Variants in MINDY4 observed in about 807,000 individuals in gnomAD.
MINDY4 encodes probable ubiquitin carboxyl-terminal hydrolase MINDY-4.
MINDY4 carries 68 observed loss-of-function variants against 87.0 expected under a neutral mutation model. The ratio of observed to expected loss-of-function variants is 0.78; its 90% CI spans 0.64 to 0.96. The LOEUF (loss-of-function observed/expected upper bound fraction) is 0.96. Among genes scored for constraint, MINDY4 ranks in the 40% least tolerant of loss-of-function variants. The pLI is 0.00. For missense variants in MINDY4, 919 were observed against 928.2 expected (o/e 0.99, Z 0.13); for synonymous variants, 379 against 363.2 (o/e 1.04, Z -0.50).
chr7:30,774,190 G>C (rs569048044), intron 1 of MINDY4, among the ~76,000 whole-genome samples: 1 of 152,276 alleles, frequency 6.6e-6, no homozygotes, highest in East Asian at 1.9e-4. Flanking sequence ...TTCAAACCCT[G>C]AAGCTCCTTC....
chr7:30,793,991 G>T (rs143551449), intron 5 of MINDY4, among the ~76,000 whole-genome samples: 9 of 152,188 alleles, frequency 5.9e-5, no homozygotes, highest in Non-Finnish European at 8.8e-5. Context: ...GAGAATCCAA[G>T]GAACCTGACA....
intron 13 of MINDY4, among the ~76,000 whole-genome samples, chr7:30,859,911 C>T (rs1013977985): frequency 3.3e-5 from 5 of 152,194 alleles, no homozygotes; most frequent in African/African-American, 4.8e-5. Context: ...CCAGCCTGCT[C>T]CACAGCCGGA....
At chr7:30,881,846 C>T (rs1052625524) in intron 15 of MINDY4, among the ~76,000 whole-genome samples, 1 of 152,088 alleles carries the variant, frequency 6.6e-6, no homozygotes, top group African/African-American at 2.4e-5. Context: ...CTGAGTAGAT[C>T]TCAGGAGGAA....
At chr7:30,858,740 C>G (rs1789657396) in intron 12 of MINDY4, 1 of 269,192 alleles carries the variant, frequency 3.7e-6, no homozygotes, top group Non-Finnish European at 7.2e-6. Flanking sequence ...TCCAAACCTG[C>G]TCTCTGCTGC....
intron 4 of MINDY4, 56 bp downstream of exon 4, chr7:30,786,048 G>A (rs1271862838): frequency 6.3e-6 from 10 of 1,599,620 alleles, no homozygotes; most frequent in Non-Finnish European, 8.5e-6. Context: ...ACTGGGCTGG[G>A]CTTAAGGCAC....
intron 13 of MINDY4, among the ~76,000 whole-genome samples, chr7:30,865,994 C>G (rs1016853994): frequency 6.6e-6 from 1 of 152,240 alleles, no homozygotes; most frequent in Non-Finnish European, 1.5e-5. Flanking sequence ...CGCAGTGCAG[C>G]TGGCATGGGC....
Position 30,872,315 on chromosome 7 carries a change from G to T in MINDY4, c.1809+9G>T, listed in dbSNP as rs1249828263. 6.2e-7 allele frequency: 1 copy of T among 1,613,698 alleles called. No individual in the cohort carries two copies. Among genetic ancestry groups the T allele is most frequent in the Admixed American group, 1.7e-5 (1 of 59,996 alleles). The stretch of plus-strand genomic sequence containing the variant: ...ATGGCTACTGTACACAGGTCAGGGG[G>T]CGCTGTGGGGCCCAGGTGGTCCTTC... On this transcript the variant is annotated intron_variant, in intron 14 of 17. Coordinates refer to ENST00000265299, the MANE Select transcript of MINDY4 (RefSeq NM_032222.3).
At chr7:30,877,682 TC>T (rs1204614488) in intron 15 of MINDY4, among the ~76,000 whole-genome samples, 2,608 of 109,428 alleles carry the variant, frequency 0.024, 38 homozygotes, top group Middle Eastern at 0.053. Context: ...TTCTTCTTCT[TC>T]TTTTTTTTTT....
At chr7:30,887,643 G>A (rs1021128553) in intron 17 of MINDY4, among the ~76,000 whole-genome samples, 10 of 152,328 alleles carry the variant, frequency 6.6e-5, no homozygotes, top group South Asian at 4.1e-4. Context: ...CTAAGCAGGC[G>A]TCCAGGAGGA....
chr7:30,841,005 C>T (rs573957104), intron 9 of MINDY4, among the ~76,000 whole-genome samples, 157 bp downstream of exon 9: 2 of 152,244 alleles, frequency 1.3e-5, no homozygotes, highest in South Asian at 2.1e-4. Flanking sequence ...ACAAGGCCTG[C>T]GCAGACCAGT....
chr7:30,831,557 G>A (rs1232364790), intron 6 of MINDY4, among the ~76,000 whole-genome samples: 1 of 152,208 alleles, frequency 6.6e-6, no homozygotes, highest in Non-Finnish European at 1.5e-5. Flanking sequence ...GGACCGGCAT[G>A]GTGGGTGAGA....
rs545529330 is a variant in MINDY4, at chr7:30,855,077, G to A, written c.1677+1618G>A. 2.0e-5 allele frequency among the ~76,000 whole-genome samples: 3 copies of A among 152,358 alleles called. No individual in the cohort carries two copies. The East Asian group carries it at 5.8e-4, about 29-fold the overall frequency. On this transcript the variant is annotated intron_variant, in intron 12 of 17. Coordinates refer to ENST00000265299, the MANE Select transcript of MINDY4 (RefSeq NM_032222.3). Reference sequence around the variant, plus strand: ...GGAGTCACTCAGTAGGCCAACTGCTGATGCGGTGCATCCACCGCCTGGCCT... The same window carrying A: ...GGAGTCACTCAGTAGGCCAACTGCTAATGCGGTGCATCCACCGCCTGGCCT...
intron 14 of MINDY4, among the ~76,000 whole-genome samples, chr7:30,874,700 C>T (rs1790207910): frequency 6.6e-6 from 1 of 152,210 alleles, no homozygotes; most frequent in African/African-American, 2.4e-5. Flanking sequence ...ACTTGGGCTT[C>T]CTACTCCCAC....
intron 2 of MINDY4, among the ~76,000 whole-genome samples, chr7:30,779,029 G>T (rs1320645420): frequency 6.6e-6 from 1 of 152,186 alleles, no homozygotes; most frequent in East Asian, 1.9e-4. Flanking sequence ...GCTAACCCAG[G>T]TGCATTAGAG....
chr7:30,786,573 G>A (rs1472538374), intron 4 of MINDY4: 2 of 151,426 alleles, frequency 1.3e-5, no homozygotes, highest in African/African-American at 4.9e-5. Context: ...GCTACAGTGA[G>A]CTGTGATCAT....
At position 30,877,924 on chromosome 7, in the gene MINDY4, C is replaced by T. The variant is rs562909524; in HGVS notation, c.1971+2268C>T. On this transcript the variant is annotated intron_variant, in intron 15 of 17. Coordinates refer to ENST00000265299, the MANE Select transcript of MINDY4 (RefSeq NM_032222.3). ...TGAACTCCTGACCTCAAGTGATCCACCCACCTCAGCCTTACAAAGTGCTAG... is the reference window on the plus strand; with the variant it reads ...TGAACTCCTGACCTCAAGTGATCCATCCACCTCAGCCTTACAAAGTGCTAG... 4.8e-5 allele frequency among the ~76,000 whole-genome samples: 7 copies of T among 146,786 alleles called. No homozygotes were observed. The East Asian group carries it at 1.0e-3, about 21-fold the overall frequency.
intron 13 of MINDY4, among the ~76,000 whole-genome samples, chr7:30,869,551 G>C (rs1420770111): frequency 6.6e-6 from 1 of 152,124 alleles, no homozygotes; most frequent in Non-Finnish European, 1.5e-5. Flanking sequence ...CGGGCTCGCA[G>C]GTGGCCACTT....
chr7:30,809,022 GAGAA>G (rs534889616), intron 5 of MINDY4, among the ~76,000 whole-genome samples: 251 of 151,468 alleles, frequency 1.7e-3, no homozygotes, highest in African/African-American at 3.8e-3. Flanking sequence ...AAATCAAAGA[GAGAA>G]AGAAAGAAAG....
chr7:30,840,467 C>T (rs1195238176), intron 8 of MINDY4, among the ~76,000 whole-genome samples: 1 of 152,202 alleles, frequency 6.6e-6, no homozygotes, highest in Non-Finnish European at 1.5e-5. Flanking sequence ...TGATAGAAAA[C>T]CTATGGTGAT....
Sources: gnomAD v4.1 joint callset for allele counts (sites outside exome capture counted in the v4.1 genomes callset) on GRCh38, gnomAD v4.1.1 for gene constraint, MANE v1.5 for transcripts, NCBI Gene and HGNC (gene_info 2026-07-23, HGNC 2026-07-21) for gene names.